Variants in SACS observed in about 807,000 individuals in gnomAD.
SACS encodes sacsin molecular chaperone, also known as sacsin.
In SACS, 197 loss-of-function variants were observed where a neutral mutation model predicts 348.0. The observed-to-expected ratio is 0.57, with a 90% confidence interval of 0.50 to 0.64. The LOEUF (loss-of-function observed/expected upper bound fraction) is 0.64. SACS is among the 30% of genes least tolerant of loss of function. The pLI is 0.00. For missense variants in SACS, 4,999 were observed against 5,360.8 expected, an observed-to-expected ratio of 0.93 and a Z score of 2.11; for synonymous variants, 1,985 against 1,910.6, an observed-to-expected ratio of 1.04 and a Z score of -1.02.
chr13:23,361,894 A>T (rs1870758604), intron 6 of SACS, among the ~76,000 whole-genome samples: 1 of 152,198 alleles, frequency 6.6e-6, no homozygotes, highest in African/African-American at 2.4e-5. Context: ...TCCCCAGGGA[A>T]TACCCAAGAA....
At chr13:23,409,835 T>C (rs1873411377) in intron 2 of SACS, among the ~76,000 whole-genome samples, 1 of 152,194 alleles carries the variant, frequency 6.6e-6, no homozygotes, top group African/African-American at 2.4e-5. Context: ...ATATTTTTTC[T>C]AGCTATGAAT....
chr13:23,352,927 T>C (rs1160084778), intron 9 of SACS, among the ~76,000 whole-genome samples: 1 of 152,156 alleles, frequency 6.6e-6, no homozygotes, highest in African/African-American at 2.4e-5. Flanking sequence ...AGGTGTACAA[T>C]GATTAGCAAC....
chr13:23,388,942 C>A (rs1017726454), intron 2 of SACS, among the ~76,000 whole-genome samples: 6 of 151,810 alleles, frequency 4.0e-5, no homozygotes, highest in African/African-American at 1.5e-4. Flanking sequence ...GAATCAGAAA[C>A]CAAAAGAAAG....
In SACS at chr13:23,329,847, ACTG is replaced by A; in HGVS notation, c.*286_*288del. ...ACATACATAGACTCTTATCTAACAA[ACTG>A]CTAAGCTTTGGTTATATAAAGTGCA... On this transcript the variant is annotated 3_prime_UTR_variant, in exon 10 of 10. Coordinates refer to ENST00000382292, the MANE Select transcript of SACS (RefSeq NM_014363.6). 1 of 500,470 alleles carries A rather than the reference ACTG, an allele frequency of 2.0e-6. No individual in the cohort carries two copies. The highest frequency in any genetic ancestry group is 2.3e-5 in the South Asian group (1 of 43,190). The allele number at this position is 500,470 out of a possible 1,614,324, so 31.0% of individuals were successfully genotyped here. A position where few individuals can be genotyped will look rare whatever the true frequency, so the allele number is the denominator to read the frequency against.
At chr13:23,371,766 C>T (rs903002324) in intron 3 of SACS, among the ~76,000 whole-genome samples, 1 of 152,208 alleles carries the variant, frequency 6.6e-6, no homozygotes, top group Admixed American at 6.5e-5. Flanking sequence ...CACAAATGCA[C>T]ACATTTATAG....
chr13:23,389,941 T>A (rs192205619), intron 2 of SACS, among the ~76,000 whole-genome samples: 2 of 152,348 alleles, frequency 1.3e-5, no homozygotes, highest in African/African-American at 4.8e-5. Flanking sequence ...CACAATAATA[T>A]GCGACCACTT....
At chr13:23,356,778 T>G (rs543647178) in intron 7 of SACS, among the ~76,000 whole-genome samples, 1 of 152,324 alleles carries the variant, frequency 6.6e-6, no homozygotes, top group East Asian at 1.9e-4. Flanking sequence ...ACATGCTTAC[T>G]TAGCACCTGG....
chr13:23,384,921 A>G (rs1317534978), intron 2 of SACS, among the ~76,000 whole-genome samples: 1 of 152,172 alleles, frequency 6.6e-6, no homozygotes, highest in African/African-American at 2.4e-5. Context: ...ATGTTTATAC[A>G]CTATACTATA....
chr13:23,365,057 T>C (rs1870976546), intron 6 of SACS, 109 bp downstream of exon 6: 3 of 743,718 alleles, frequency 4.0e-6, no homozygotes, highest in Admixed American at 5.1e-5. Flanking sequence ...GACATAAACA[T>C]GCCAAAAAGT....
At position 23,403,136 on chromosome 13, in the gene SACS, C is replaced by CGTA. The variant is rs150626135; in HGVS notation, c.20+8083_20+8084insTAC. Among the ~76,000 whole-genome samples, 1,315 of 151,956 alleles carry CGTA rather than the reference C, an allele frequency of 8.7e-3. 16 individuals are homozygous for CGTA. The highest frequency in any genetic ancestry group is 0.03 in the African/African-American group (1,246 of 41,394). Reference sequence around the variant, plus strand: ...GAGGTTGCAGTGAGCCGAGACTACACCACTGCACTCTAGCCTGGGCAACAG... The same window carrying CGTA: ...GAGGTTGCAGTGAGCCGAGACTACACGTACACTGCACTCTAGCCTGGGCAACAG... On this transcript the variant is annotated intron_variant, in intron 2 of 9. Coordinates refer to ENST00000382292, the MANE Select transcript of SACS (RefSeq NM_014363.6).
chr13:23,393,225 G>T (rs911865025), intron 2 of SACS, among the ~76,000 whole-genome samples: 3 of 152,226 alleles, frequency 2.0e-5, no homozygotes, highest in African/African-American at 7.2e-5. Flanking sequence ...AATTTAAGCA[G>T]ATGAGAGAAG....
chr13:23,402,831 A>T (rs1593174669), intron 2 of SACS, among the ~76,000 whole-genome samples: 1 of 152,190 alleles, frequency 6.6e-6, no homozygotes, highest in African/African-American at 2.4e-5. Flanking sequence ...TATTGCAGAT[A>T]AAGTCTGAGA....
At chr13:23,342,150 T>C (rs1039909061) in intron 9 of SACS, among the ~76,000 whole-genome samples, 32 of 152,250 alleles carry the variant, frequency 2.1e-4, no homozygotes, top group Admixed American at 6.5e-4. Context: ...TGGGCTAAAA[T>C]AATTTTTAAA....
intron 2 of SACS, among the ~76,000 whole-genome samples, chr13:23,399,391 C>A (rs1235155442): frequency 2.0e-5 from 3 of 152,152 alleles, no homozygotes; most frequent in Non-Finnish European, 2.9e-5. Flanking sequence ...TGGGAAGAGT[C>A]CTCTTTTACT....
At chr13:23,372,578 T>C (rs1258104368) in intron 3 of SACS, among the ~76,000 whole-genome samples, 1 of 152,170 alleles carries the variant, frequency 6.6e-6, no homozygotes, top group East Asian at 1.9e-4. Context: ...TTGGCAACTG[T>C]TACATATACA....
At chr13:23,385,360 C>T (rs12428164) in intron 2 of SACS, among the ~76,000 whole-genome samples, 12,297 of 138,258 alleles carry the variant, frequency 0.089, 646 homozygotes, top group East Asian at 0.14. Context: ...CATGGATGTT[C>T]TTTTTTTTTT....
At position 23,332,002 on chromosome 13, in the gene SACS, G is replaced by A. The variant is rs1883509499; in HGVS notation, c.11874C>T (p.His3958=). 6.2e-7 allele frequency: 1 copy of A among 1,614,030 alleles called. No individual in the cohort carries two copies. The highest frequency in any genetic ancestry group is 1.1e-5 in the South Asian group (1 of 91,074). ...QCYLGKDHGF[H]TKLIMLFPQK... Reference sequence around the variant, plus strand: ...GAGGAAAGAGCATTATCAACTTAGTGTGAAATCCATGGTCTTTCCCTAAGT... The same window carrying A: ...GAGGAAAGAGCATTATCAACTTAGTATGAAATCCATGGTCTTTCCCTAAGT... Residue 3958 remains histidine (H), a synonymous_variant, in exon 10 of 10, where the codon CAC becomes CAT. Coordinates refer to ENST00000382292, the MANE Select transcript of SACS (RefSeq NM_014363.6).
rs1281779370 is a variant in SACS, at chr13:23,339,088, GGATTT to G, written c.4783_4787del (p.Lys1595GlnfsTer7). On this transcript the variant is annotated frameshift_variant, in exon 10 of 10. Transcript: ENST00000382292. LOFTEE classifies it high-confidence loss of function. The stretch of plus-strand genomic sequence containing the variant: ...TCCAATTAATTTTGATCCCAGGATT[GGATTT>G]GTCTTTAATGTGTTTACTGATATGA... 1 of 1,611,408 alleles carries G rather than the reference GGATTT, an allele frequency of 6.2e-7. No homozygotes were observed. Among genetic ancestry groups the G allele is most frequent in the Non-Finnish European group, 8.5e-7 (1 of 1,178,798 alleles).
intron 9 of SACS, among the ~76,000 whole-genome samples, chr13:23,349,830 G>A (rs547726894): frequency 3.2e-4 from 48 of 152,294 alleles, no homozygotes; most frequent in African/African-American, 1.1e-3. Flanking sequence ...ATAGAGGAGT[G>A]AAGTTTAAGC....
Sources: gnomAD v4.1 joint callset for allele counts (sites outside exome capture counted in the v4.1 genomes callset) on GRCh38, gnomAD v4.1.1 for gene constraint, MANE v1.5 for transcripts, NCBI Gene and HGNC (gene_info 2026-07-23, HGNC 2026-07-21) for gene names.